Variants in NDFIP1 observed in about 807,000 individuals in gnomAD.
NDFIP1 encodes the protein Nedd4 family interacting protein 1, also known as NEDD4 family-interacting protein 1.
Under a neutral mutation model 28.8 loss-of-function variants are expected in NDFIP1, and 7 were observed. That is an observed-to-expected ratio of 0.24 (90% CI 0.14 to 0.46). NDFIP1 has a LOEUF of 0.46. Ranked by LOEUF, NDFIP1 falls within the 20% of genes least tolerant of loss-of-function variation. NDFIP1 has a pLI of 0.99. For synonymous variants in NDFIP1, 92 were observed against 101.0 expected, an observed-to-expected ratio of 0.91 and a Z score of 0.53; for missense variants, 194 against 269.1, an observed-to-expected ratio of 0.72 and a Z score of 1.95.
intron 6 of NDFIP1, among the ~76,000 whole-genome samples, chr5:142,142,090 T>G (rs1376720308): frequency 6.6e-6 from 1 of 152,150 alleles, no homozygotes; most frequent in Admixed American, 6.5e-5. Context: ...TGAACTATGA[T>G]GGCGTCACTG....
chr5:142,115,576 C>G (rs899219881), intron 1 of NDFIP1, among the ~76,000 whole-genome samples: 2 of 152,154 alleles, frequency 1.3e-5, no homozygotes. Context: ...TGAGCCACTG[C>G]GCCCGGCCTA....
chr5:142,110,152 A>G (rs1756998462), intron 1 of NDFIP1, among the ~76,000 whole-genome samples: 1 of 152,174 alleles, frequency 6.6e-6, no homozygotes, highest in African/African-American at 2.4e-5. Flanking sequence ...CATGTGTTGC[A>G]ATCCGTCCCC....
intron 4 of NDFIP1, among the ~76,000 whole-genome samples, chr5:142,136,153 T>G (rs1465439658): frequency 1.3e-5 from 2 of 152,220 alleles, no homozygotes; most frequent in Non-Finnish European, 1.5e-5. Flanking sequence ...ATTAAATGCC[T>G]TTGATGAATT....
chr5:142,119,185 G>T (rs1254114580), intron 1 of NDFIP1, among the ~76,000 whole-genome samples: 4 of 152,062 alleles, frequency 2.6e-5, no homozygotes, highest in Non-Finnish European at 2.9e-5. Context: ...TTACCATATG[G>T]GTCACTCTAG....
At position 142,110,607 on chromosome 5, in the gene NDFIP1, A is replaced by T. The variant is rs868068909; in HGVS notation, c.63+1570A>T. On this transcript the variant is annotated intron_variant, in intron 1 of 7. Coordinates refer to ENST00000253814, the MANE Select transcript of NDFIP1 (RefSeq NM_030571.4). ...TTTTAATTATGCAGAATTGAAGTAT[A>T]AAAAAAAGAGAAAAAAATCTTCCTA... Among the ~76,000 whole-genome samples the T allele has an allele frequency of 7.2e-5, 11 of 152,076 alleles. No individual in the cohort carries two copies. The South Asian group carries it at 8.3e-4, about 12-fold the overall frequency.
chr5:142,117,746 T>TTTTTTA (rs1757083994), intron 1 of NDFIP1, among the ~76,000 whole-genome samples: 1 of 149,914 alleles, frequency 6.7e-6, no homozygotes, highest in African/African-American at 2.5e-5. Context: ...TTTTTTTTTT[T>TTTTTTA]GAGACAGGGC....
intron 4 of NDFIP1, 110 bp downstream of exon 4, chr5:142,135,927 A>G (rs1757270635): frequency 4.4e-6 from 3 of 687,744 alleles, no homozygotes; most frequent in South Asian, 4.9e-5. Flanking sequence ...TTAATACATT[A>G]TGTTTATTTG....
At position 142,152,966 on chromosome 5, in the gene NDFIP1, A is replaced by T; in HGVS notation, c.*1238A>T. 3.8e-6 allele frequency: 1 copy of T among 260,034 alleles called. No homozygotes were observed. Among genetic ancestry groups the T allele is most frequent in the Admixed American group, 5.0e-5 (1 of 20,108 alleles). The allele number at this position is 260,034 out of a possible 1,614,324, so 16.1% of individuals were successfully genotyped here. On this transcript the variant is annotated 3_prime_UTR_variant, in exon 8 of 8. Coordinates refer to ENST00000253814, the MANE Select transcript of NDFIP1 (RefSeq NM_030571.4). ...AATACATTCCTAAAAATGTATTTGA[A>T]CATTGGTTCTGTAAAAGATAATGGA...
At chr5:142,142,774 A>G (rs1242368531) in intron 6 of NDFIP1, among the ~76,000 whole-genome samples, 1 of 151,756 alleles carries the variant, frequency 6.6e-6, no homozygotes, top group Non-Finnish European at 1.5e-5. Flanking sequence ...CTAAAAATAC[A>G]AAAATTAGCT....
At chr5:142,128,820 TC>T (rs1231876562) in intron 1 of NDFIP1, among the ~76,000 whole-genome samples, 1 of 152,226 alleles carries the variant, frequency 6.6e-6, no homozygotes, top group African/African-American at 2.4e-5. Flanking sequence ...AGTGTTTTTT[TC>T]CTTACCAAAG....
At position 142,135,617 on chromosome 5, in the gene NDFIP1, A is replaced by G. The variant is rs139090259; in HGVS notation, c.283-113A>G. On this transcript the variant is annotated intron_variant, in intron 3 of 7. Transcript: ENST00000253814. ...CACACATTGAGCCTTTAATGCTCATAATTTTGAACTGAACCAAAGCAATAA... is the reference window on the plus strand; with the variant it reads ...CACACATTGAGCCTTTAATGCTCATGATTTTGAACTGAACCAAAGCAATAA... 15 of 800,592 alleles carry G rather than the reference A, an allele frequency of 1.9e-5. No homozygotes were observed. In the African/African-American group the frequency reaches 2.1e-4, roughly 11 times the overall value. The allele number at this position is 800,592 out of a possible 1,614,324, so 49.6% of individuals were successfully genotyped here. A position where few individuals can be genotyped will look rare whatever the true frequency, so the allele number is the denominator to read the frequency against.
At chr5:142,110,171 T>A (rs1177184056) in intron 1 of NDFIP1, among the ~76,000 whole-genome samples, 1 of 152,194 alleles carries the variant, frequency 6.6e-6, no homozygotes, top group Admixed American at 6.5e-5. Context: ...CCACTCAGGC[T>A]TGGACTCCCA....
At chr5:142,112,532 T>TA (rs113729498) in intron 1 of NDFIP1, among the ~76,000 whole-genome samples, 1,725 of 103,614 alleles carry the variant, frequency 0.017, 20 homozygotes, top group African/African-American at 0.038. Context: ...AAGACTGTCT[T>TA]AAAAAAAAAA....
intron 6 of NDFIP1, chr5:142,144,151 T>C (rs1757364737): frequency 6.4e-6 from 1 of 155,132 alleles, no homozygotes; most frequent in South Asian, 2.0e-4. Flanking sequence ...GAAGGTTACA[T>C]TTTTTCTTTT....
chr5:142,132,125 C>G lies in NDFIP1; in HGVS notation c.152-87C>G, dbSNP rs1757233927. On this transcript the variant is annotated intron_variant, in intron 2 of 7. Transcript: ENST00000253814. The stretch of plus-strand genomic sequence containing the variant: ...TATGTATGTACTCTTAAGGGAATGG[C>G]TGGGTTTTGTCTGCTAGAGTTAGTG... 4.7e-6 allele frequency: 7 copies of G among 1,478,632 alleles called. No individual in the cohort carries two copies. In the South Asian group the frequency reaches 9.1e-5, roughly 19 times the overall value. 91.6% of individuals were successfully genotyped at this position (1,478,632 alleles called of 1,614,324 possible). A position where few individuals can be genotyped will look rare whatever the true frequency, so the allele number is the denominator to read the frequency against.
At chr5:142,111,304 ATT>A (rs1293618895) in intron 1 of NDFIP1, among the ~76,000 whole-genome samples, 2 of 151,764 alleles carry the variant, frequency 1.3e-5, no homozygotes, top group Non-Finnish European at 2.9e-5. Flanking sequence ...ACACAATGTT[ATT>A]AATGTCTTCT....
chr5:142,117,725 A>C (rs1293834550), intron 1 of NDFIP1, among the ~76,000 whole-genome samples: 2 of 113,600 alleles, frequency 1.8e-5, no homozygotes, highest in African/African-American at 7.3e-5. Context: ...TGTGTTCTAC[A>C]GGCTTTTTTT....
intron 1 of NDFIP1, among the ~76,000 whole-genome samples, chr5:142,112,952 T>G: frequency 6.6e-6 from 1 of 152,154 alleles, no homozygotes; most frequent in Non-Finnish European, 1.5e-5. Flanking sequence ...TGCGTGTTTC[T>G]CTCTCTGAGG....
At chr5:142,121,507 C>A (rs760602564) in intron 1 of NDFIP1, among the ~76,000 whole-genome samples, 27 of 152,150 alleles carry the variant, frequency 1.8e-4, no homozygotes, top group Non-Finnish European at 3.4e-4. Flanking sequence ...TCATAGCAAT[C>A]TTTTTTGAAA....
Sources: allele counts gnomAD v4.1 joint callset (sites outside exome capture counted in the v4.1 genomes callset), GRCh38; gene constraint gnomAD v4.1.1; transcripts MANE v1.5; gene names NCBI Gene and HGNC (gene_info 2026-07-23, HGNC 2026-07-21).